Variants in EFCAB9 observed in about 807,000 individuals in gnomAD.
The protein encoded by EFCAB9 is EF-hand calcium-binding domain-containing protein 9.
In EFCAB9, 16 loss-of-function variants were observed where a neutral mutation model predicts 15.6. The observed-to-expected ratio is 1.03, with a 90% CI of 0.69 to 1.56. EFCAB9 has a LOEUF of 1.56. Ranked by LOEUF, EFCAB9 falls within the 40% of genes most tolerant of loss-of-function variation. The pLI, the probability that EFCAB9 is intolerant of heterozygous loss-of-function variation, is 0.00. For synonymous variants in EFCAB9, 76 were observed against 85.4 expected (o/e 0.89, Z 0.61); for missense variants, 208 against 235.4 (o/e 0.88, Z 0.76).
rs189084070 is a variant in EFCAB9, at chr5:172,200,490, T to C, written c.286-76T>C. On this transcript the variant is annotated intron_variant, in intron 2 of 3. Transcript: ENST00000398186. ...TCTCTAGGGAAGGGGCTGGTGAAGA[T>C]ATGTCTTGAGGAAACAAGTTTAGAA... 799 of 1,398,162 alleles carry C rather than the reference T, an allele frequency of 5.7e-4. 1 individual carries two copies. In the Admixed American group the frequency reaches 6.0e-3, roughly 10 times the overall value. 86.6% of individuals were successfully genotyped at this position (1,398,162 alleles called of 1,614,324 possible). A position where few individuals can be genotyped will look rare whatever the true frequency, so the allele number is the denominator to read the frequency against.
chr5:172,200,754 T>A lies in EFCAB9; in HGVS notation c.462+12T>A, dbSNP rs1180507080. The A allele has an allele frequency of 2.0e-6, 3 of 1,531,784 alleles. No homozygotes were observed. In the African/African-American group the frequency reaches 4.1e-5, roughly 21 times the overall value. 94.9% of individuals were successfully genotyped at this position (1,531,784 alleles called of 1,614,324 possible). On this transcript the variant is annotated intron_variant, in intron 3 of 3. Transcript: ENST00000398186. ...TTACAGGTGACAATGTAAGTACAGA[T>A]CCAAAATGTGGCATGTGTGTGGCAG...
At chr5:172,202,603 G>A (rs1771274559) in intron 3 of EFCAB9, among the ~76,000 whole-genome samples, 1 of 152,010 alleles carries the variant, frequency 6.6e-6, no homozygotes. Flanking sequence ...AGTTACTCGG[G>A]AGGCTGAGAT....
intron 1 of EFCAB9, among the ~76,000 whole-genome samples, chr5:172,196,293 A>G (rs539656832): frequency 4.6e-4 from 70 of 152,246 alleles, no homozygotes; most frequent in South Asian, 3.1e-3. Flanking sequence ...CCCCCAAATC[A>G]TGACATTGTG....
intron 3 of EFCAB9, among the ~76,000 whole-genome samples, chr5:172,201,274 C>G (rs1771252834): frequency 6.6e-6 from 1 of 152,222 alleles, no homozygotes; most frequent in African/African-American, 2.4e-5. Context: ...ACTTGGGAGG[C>G]TGAGGCAGGA....
rs750423234 is a variant in EFCAB9, at chr5:172,194,189, G to C, written c.17G>C (p.Gly6Ala). The change falls in exon 1 of 4, where the codon GGA (glycine) becomes GCA (alanine). Residue 6 changes from glycine to alanine, a missense_variant. Transcript: ENST00000398186. MRLKQ[G>A]SFLWYLYLDK... is the part of the protein sequence containing the mutation. ...AGTACTAAGATGAGACTGAAGCAAG[G>C]ATCGTTTCTGTGGTACCTCTATCTG... 6 of 1,537,422 alleles carry C rather than the reference G, an allele frequency of 3.9e-6. No individual in the cohort carries two copies. Among genetic ancestry groups the C allele is most frequent in the Non-Finnish European group, 5.2e-6 (6 of 1,146,950 alleles).
At chr5:172,197,791 T>C (rs1422399870) in intron 1 of EFCAB9, among the ~76,000 whole-genome samples, 2 of 152,252 alleles carry the variant, frequency 1.3e-5, no homozygotes, top group East Asian at 1.9e-4. Flanking sequence ...TCCTACAGCA[T>C]GAAAGGGGAC....
In EFCAB9 at chr5:172,195,996, G is replaced by A. The variant is rs371367028; in HGVS notation, c.136+1688G>A. On this transcript the variant is annotated intron_variant, in intron 1 of 3. Transcript: ENST00000398186. ...TTCTGTATTCTTAGTAAAGACGGGC[G>A]GGGTTTCACTATGTTGGCCAGGCTA... is the stretch of plus-strand genomic sequence containing the variant. Among the ~76,000 whole-genome samples, 340 of 152,056 alleles carry A rather than the reference G, an allele frequency of 2.2e-3. 10 individuals are homozygous for A. In the South Asian group the frequency reaches 0.068, roughly 30 times the overall value.
At chr5:172,197,411 G>A (rs1771181818) in intron 1 of EFCAB9, among the ~76,000 whole-genome samples, 1 of 152,076 alleles carries the variant, frequency 6.6e-6, no homozygotes, top group Non-Finnish European at 1.5e-5. Context: ...CCAACGTGAG[G>A]CACACCTTTG....
chr5:172,201,637 G>A (rs1771257964), intron 3 of EFCAB9, among the ~76,000 whole-genome samples: 1 of 152,216 alleles, frequency 6.6e-6, no homozygotes, highest in Non-Finnish European at 1.5e-5. Context: ...TAATATGACA[G>A]TAGTTTAGTG....
intron 1 of EFCAB9, among the ~76,000 whole-genome samples, chr5:172,198,043 C>T (rs1357131028): frequency 6.6e-6 from 1 of 152,150 alleles, no homozygotes; most frequent in African/African-American, 2.4e-5. Flanking sequence ...CGTGCATTTA[C>T]AATTCTTTAG....
intron 3 of EFCAB9, among the ~76,000 whole-genome samples, chr5:172,202,080 C>A (rs989338345): frequency 6.6e-6 from 1 of 152,138 alleles, no homozygotes; most frequent in East Asian, 1.9e-4. Flanking sequence ...GTGGCTCATA[C>A]CTGTAATCCC....
At position 172,203,452 on chromosome 5, in the gene EFCAB9, A is replaced by G. The variant is rs1581202433; in HGVS notation, c.*107A>G. 7.4e-7 allele frequency: 1 copy of G among 1,348,160 alleles called. No homozygotes were observed. Among genetic ancestry groups the G allele is most frequent in the East Asian group, 2.6e-5 (1 of 38,484 alleles). 83.5% of individuals were successfully genotyped at this position (1,348,160 alleles called of 1,614,324 possible). On this transcript the variant is annotated 3_prime_UTR_variant, in exon 4 of 4. Transcript: ENST00000398186. The stretch of plus-strand genomic sequence containing the variant: ...AAAAATAAATTCAGAGCATCAAAGT[A>G]GATATCTTTATAATGACTTTTTTTT...
chr5:172,194,301 C>T lies in EFCAB9; in HGVS notation c.129C>T (p.Thr43=), dbSNP rs1193222055. ...TTCTGGACGTGCACGGCAAGAACAC[C>T]TTGAATGGTCAGTACTTTCAGACAT... ...FHILDVHGKN[T]LNDVLFYHFL... The change falls in exon 1 of 4, where the codon ACC becomes ACT. Residue 43 remains threonine (T), a synonymous_variant. Coordinates refer to ENST00000398186, the MANE Select transcript of EFCAB9 (RefSeq NM_001171183.2). The T allele has an allele frequency of 9.8e-6, 15 of 1,537,762 alleles. No individual in the cohort carries two copies. The highest frequency in any genetic ancestry group is 4.1e-5 in the African/African-American group (3 of 73,042).
intron 3 of EFCAB9, 92 bp downstream of exon 3, chr5:172,200,834 G>A: frequency 7.8e-7 from 1 of 1,274,640 alleles, no homozygotes; most frequent in Non-Finnish European, 1.1e-6. Context: ...AGATGGGAGA[G>A]GAGGAGGGAG....
At position 172,199,461 on chromosome 5, in the gene EFCAB9, A is replaced by T. The variant is rs1185006735; in HGVS notation, c.215A>T (p.Asp72Val). ...AQINIVFDMLDWNAVGEIDFE... is the reference protein window; with the variant it reads ...AQINIVFDMLVWNAVGEIDFE... ...ATCAACATTGTGTTTGACATGCTGG[A>T]CTGGAACGCTGTGGGCGAGATCGAC... is the stretch of plus-strand genomic sequence containing the variant. The change falls in exon 2 of 4, where the codon GAC becomes GTC. Residue 72 changes from aspartate (D) to valine (V), a missense_variant. Transcript: ENST00000398186. 1 of 1,537,226 alleles carries T rather than the reference A, an allele frequency of 6.5e-7. No homozygotes were observed. Among genetic ancestry groups the T allele is most frequent in the African/African-American group, 1.4e-5 (1 of 73,050 alleles).
chr5:172,199,614 C>T, intron 2 of EFCAB9, 83 bp downstream of exon 2: 1 of 1,472,908 alleles, frequency 6.8e-7, no homozygotes, highest in Non-Finnish European at 9.0e-7. Context: ...CCTCCTTTCA[C>T]TAAAAAGAGG....
Position 172,194,327 on chromosome 5 carries a change from G to A in EFCAB9, c.136+19G>A, listed in dbSNP as rs1771120451. On this transcript the variant is annotated intron_variant, in intron 1 of 3. Transcript: ENST00000398186. ...TTGAATGGTCAGTACTTTCAGACAT[G>A]TCTCCTCTGGGTCCTTACCTGGGTT... 1 of 1,537,276 alleles carries A rather than the reference G, an allele frequency of 6.5e-7. No homozygotes were observed. Among genetic ancestry groups the A allele is most frequent in the African/African-American group, 1.4e-5 (1 of 73,036 alleles).
chr5:172,199,546 G>C lies in EFCAB9; in HGVS notation c.285+15G>C, dbSNP rs373613984. 4.7e-5 allele frequency: 72 copies of C among 1,536,592 alleles called. No homozygotes were observed. In the African/African-American group the frequency reaches 8.7e-4, roughly 19 times the overall value. On this transcript the variant is annotated intron_variant, in intron 2 of 3. Coordinates refer to ENST00000398186, the MANE Select transcript of EFCAB9 (RefSeq NM_001171183.2). ...TGGCCCACCAGGCAAGTAGCCGCGC[G>C]GCTGCTGCCATCCTCTTGCTAATGG...
Position 172,194,247 on chromosome 5 carries a change from C to A in EFCAB9, c.75C>A (p.Asn25Lys). 2 of 1,537,848 alleles carry A rather than the reference C, an allele frequency of 1.3e-6. No individual in the cohort carries two copies. The highest frequency in any genetic ancestry group is 1.2e-5 in the South Asian group (1 of 84,064). ...DKIYCLLSVR[N>K]VKALAEYFHI... ...TATACTGCTTATTATCCGTGAGAAACGTGAAGGCTTTGGCAGAATATTTTC... is the reference window on the plus strand; with the variant it reads ...TATACTGCTTATTATCCGTGAGAAAAGTGAAGGCTTTGGCAGAATATTTTC... Residue 25 changes from asparagine to lysine, a missense_variant, in exon 1 of 4, where the codon AAC (asparagine) becomes AAA (lysine). Coordinates refer to ENST00000398186, the MANE Select transcript of EFCAB9 (RefSeq NM_001171183.2).
Sources: allele counts gnomAD v4.1 joint callset (sites outside exome capture counted in the v4.1 genomes callset), GRCh38; gene constraint gnomAD v4.1.1; transcripts MANE v1.5; gene names NCBI Gene and HGNC (gene_info 2026-07-23, HGNC 2026-07-21).